Variants in TLE4 observed in about 807,000 individuals in gnomAD.
TLE4 encodes the protein transducin-like enhancer protein 4.
In TLE4, 8 loss-of-function variants were observed where a neutral mutation model predicts 92.8. That is an observed-to-expected ratio of 0.09 (90% confidence interval 0.05 to 0.16). TLE4 has a LOEUF of 0.16. Among genes scored for constraint, TLE4 ranks in the 10% least tolerant of loss-of-function variants. TLE4 has a pLI of 1.00. For missense variants in TLE4, 675 were observed against 997.6 expected (o/e 0.68, Z 4.36); for synonymous variants, 371 against 374.1 (o/e 0.99, Z 0.10).
At chr9:79,714,079 G>A (rs1292860802) in intron 14 of TLE4, among the ~76,000 whole-genome samples, 1 of 151,822 alleles carries the variant, frequency 6.6e-6, no homozygotes, top group Non-Finnish European at 1.5e-5. Context: ...ACTGGTCTCC[G>A]AACTCCTGAC....
chr9:79,718,067 C>T (rs1022669249), intron 14 of TLE4: 1 of 456,562 alleles, frequency 2.2e-6, no homozygotes. Context: ...AAGAGATACT[C>T]ACAGGTAGGC....
At chr9:79,575,217 T>G (rs1379965631) in intron 3 of TLE4, among the ~76,000 whole-genome samples, 2 of 152,232 alleles carry the variant, frequency 1.3e-5, no homozygotes, top group African/African-American at 4.8e-5. Context: ...CAAAACCTTG[T>G]TTGTTTTGTC....
chr9:79,674,411 A>G (rs552766257), intron 8 of TLE4, among the ~76,000 whole-genome samples: 1 of 152,314 alleles, frequency 6.6e-6, no homozygotes, highest in Non-Finnish European at 1.5e-5. Flanking sequence ...TTCAGAGCCC[A>G]TGCTCATTAT....
At chr9:79,700,361 A>C (rs953690386) in intron 8 of TLE4, among the ~76,000 whole-genome samples, 5 of 152,086 alleles carry the variant, frequency 3.3e-5, no homozygotes, top group African/African-American at 1.2e-4. Context: ...TTGGAGGGGG[A>C]AGTTACTTTA....
intron 8 of TLE4, among the ~76,000 whole-genome samples, chr9:79,679,432 CT>C (rs1427045619): frequency 6.6e-6 from 1 of 152,130 alleles, no homozygotes; most frequent in Non-Finnish European, 1.5e-5. Flanking sequence ...TGAGAAGAGT[CT>C]GTTCATATCC....
intron 4 of TLE4, among the ~76,000 whole-genome samples, chr9:79,605,948 T>C (rs933223923): frequency 3.9e-5 from 6 of 152,016 alleles, no homozygotes; most frequent in Admixed American, 1.3e-4. Flanking sequence ...AAGGGAGGTA[T>C]GGGGGTTGTG....
At chr9:79,646,375 C>T (rs2058107139) in intron 6 of TLE4, among the ~76,000 whole-genome samples, 1 of 152,192 alleles carries the variant, frequency 6.6e-6, no homozygotes, top group Non-Finnish European at 1.5e-5. Context: ...TTATGGTACT[C>T]TCAGCTACTT....
chr9:79,687,979 C>T lies in TLE4; in HGVS notation c.610-16804C>T, dbSNP rs910706774. 5.3e-5 allele frequency among the ~76,000 whole-genome samples: 8 copies of T among 152,272 alleles called. No homozygotes were observed. In the South Asian group the frequency reaches 1.7e-3, roughly 32 times the overall value. ...CAAGCCCTCAGGAGATGCTGTTGGA[C>T]AGTGGACCACACTTTTTTGAGTAGC... On this transcript the variant is annotated intron_variant, in intron 8 of 19. Transcript: ENST00000376552.
chr9:79,593,261 C>T (rs1422907463), intron 4 of TLE4, among the ~76,000 whole-genome samples: 1 of 152,104 alleles, frequency 6.6e-6, no homozygotes, highest in Non-Finnish European at 1.5e-5. Flanking sequence ...TCTGTTTCAA[C>T]TGTCAGAAAC....
intron 8 of TLE4, among the ~76,000 whole-genome samples, chr9:79,665,935 A>T (rs957899757): frequency 3.3e-5 from 5 of 152,178 alleles, no homozygotes; most frequent in Admixed American, 2.0e-4. Context: ...GTTAACACGG[A>T]TTATTAGAGA....
chr9:79,620,895 A>T (rs2050795758), intron 5 of TLE4, among the ~76,000 whole-genome samples: 1 of 152,064 alleles, frequency 6.6e-6, no homozygotes, highest in Non-Finnish European at 1.5e-5. Context: ...GGAGAGAGAG[A>T]TTGAGGGGGA....
At position 79,718,872 on chromosome 9, in the gene TLE4, C is replaced by A. The variant is rs538533900; in HGVS notation, c.1491C>A (p.Asn497Lys). ...GEVVCAVTIS[N>K]PTRHVYTGGK... is the part of the protein sequence containing the mutation. ...TGGTGTGCGCGGTGACCATCAGCAACCCCACGAGACACGTGTACACGGGTG... is the reference window on the plus strand; with the variant it reads ...TGGTGTGCGCGGTGACCATCAGCAAACCCACGAGACACGTGTACACGGGTG... Residue 497 changes from asparagine to lysine, a missense_variant, in exon 15 of 20, where the codon AAC becomes AAA. By Grantham distance (94) the Asn-to-Lys change is moderately conservative (BLOSUM62 0). Transcript: ENST00000376552. 6.2e-7 allele frequency: 1 copy of A among 1,614,160 alleles called. No homozygotes were observed. Among genetic ancestry groups the A allele is most frequent in the African/African-American group, 1.3e-5 (1 of 75,036 alleles).
chr9:79,577,060 C>T (rs1407187268), intron 4 of TLE4, among the ~76,000 whole-genome samples: 3 of 151,976 alleles, frequency 2.0e-5, no homozygotes, highest in Non-Finnish European at 4.4e-5. Flanking sequence ...AGTGGAAGCA[C>T]TTCAGGTCTC....
At chr9:79,591,109 G>C (rs1181139011) in intron 4 of TLE4, among the ~76,000 whole-genome samples, 1 of 152,176 alleles carries the variant, frequency 6.6e-6, no homozygotes, top group Non-Finnish European at 1.5e-5. Flanking sequence ...TAGGAGGCTT[G>C]CCTCCATGGA....
chr9:79,663,900 A>G (rs1271192705), intron 8 of TLE4, among the ~76,000 whole-genome samples: 2 of 152,228 alleles, frequency 1.3e-5, no homozygotes, highest in Non-Finnish European at 2.9e-5. Context: ...AAGCCACACT[A>G]TTATTATGCA....
chr9:79,627,508 C>CT, intron 6 of TLE4, 60 bp downstream of exon 6: 1 of 1,535,582 alleles, frequency 6.5e-7, no homozygotes, highest in Non-Finnish European at 9.0e-7. Context: ...CTCTCGCTCT[C>CT]TCTTTTTACA....
At position 79,613,725 on chromosome 9, in the gene TLE4, G is replaced by A. The variant is rs2048880728; in HGVS notation, c.315+1007G>A. ...GAGGTTCATTCACCTGCTTGCCAGC[G>A]GGCATGTGCCAATGTTATGTGGCCA... On this transcript the variant is annotated intron_variant, in intron 5 of 19. Coordinates refer to ENST00000376552, the MANE Select transcript of TLE4 (RefSeq NM_007005.6). Among the ~76,000 whole-genome samples, 2 of 152,226 alleles carry A rather than the reference G, an allele frequency of 1.3e-5. 1 individual carries two copies. Among genetic ancestry groups the A allele is most frequent in the South Asian group, 4.1e-4 (2 of 4,826 alleles).
rs1306418586 is a variant in TLE4, at chr9:79,720,414, GTGTGTGTGTGTA to G, written c.1838+122_1838+133del. The stretch of plus-strand genomic sequence containing the variant: ...TGTGTGTGTGTGTGTGTGTGTGTGT[GTGTGTGTGTGTA>G]AAGTGATATAATTATCTTACTAAAA... On this transcript the variant is annotated intron_variant, in intron 16 of 19. Transcript: ENST00000376552. 6.6e-4 allele frequency: 796 copies of G among 1,212,212 alleles called. 9 individuals are homozygous for G. In the African/African-American group the frequency reaches 0.012, roughly 18 times the overall value. The allele number at this position is 1,212,212 out of a possible 1,614,324, so 75.1% of individuals were successfully genotyped here. A position where few individuals can be genotyped will look rare whatever the true frequency, so the allele number is the denominator to read the frequency against.
intron 8 of TLE4, among the ~76,000 whole-genome samples, chr9:79,690,369 A>G (rs2066789833): frequency 6.6e-6 from 1 of 152,194 alleles, no homozygotes; most frequent in South Asian, 2.1e-4. Context: ...TCACATAAAT[A>G]TGGCTTAACC....
Sources: gnomAD v4.1 joint callset for allele counts (sites outside exome capture counted in the v4.1 genomes callset) on GRCh38, gnomAD v4.1.1 for gene constraint, MANE v1.5 for transcripts, NCBI Gene and HGNC (gene_info 2026-07-23, HGNC 2026-07-21) for gene names.